CES5A: variants seen among roughly 807,000 people sequenced by gnomAD.
CES5A encodes carboxylesterase 5.
Under a neutral mutation model 62.9 loss-of-function variants are expected in CES5A, and 67 were observed. The observed-to-expected ratio is 1.07, with a 90% confidence interval of 0.88 to 1.31. The LOEUF (loss-of-function observed/expected upper bound fraction) is 1.31. Ranked by LOEUF, CES5A falls within the 50% of genes most tolerant of loss-of-function variation. The pLI is 0.00. For missense variants in CES5A, 748 were observed against 708.5 expected (o/e 1.06, Z -0.63); for synonymous variants, 296 against 280.8 (o/e 1.05, Z -0.54).
Position 55,886,235 on chromosome 16 carries a change from C to T in CES5A, c.-255-12198G>A, listed in dbSNP as rs546891700. On this transcript the variant is annotated intron_variant, in intron 1 of 12. Transcript: ENST00000518005. ...ACTTGGTTGCCACTTTAAATAGTCA[C>T]AAAAGTGAGCTGAGGTAAAGACATA... Among the ~76,000 whole-genome samples, 10 of 152,308 alleles carry T rather than the reference C, an allele frequency of 6.6e-5. No individual in the cohort carries two copies. In the East Asian group the frequency reaches 1.7e-3, roughly 26 times the overall value.
chr16:55,882,005 G>T (rs2033766766), intron 1 of CES5A, among the ~76,000 whole-genome samples: 1 of 152,260 alleles, frequency 6.6e-6, no homozygotes, highest in African/African-American at 2.4e-5. Flanking sequence ...AAGTAAAGTA[G>T]ACAGGCAGCC....
chr16:55,897,217 G>A (rs778564062), intron 1 of CES5A, among the ~76,000 whole-genome samples: 17 of 152,044 alleles, frequency 1.1e-4, no homozygotes, highest in Non-Finnish European at 2.1e-4. Flanking sequence ...CTGCTGTCCT[G>A]ACAGAGAACC....
chr16:55,863,129 C>T (rs754780391), intron 6 of CES5A, among the ~76,000 whole-genome samples: 1 of 152,194 alleles, frequency 6.6e-6, no homozygotes, highest in Non-Finnish European at 1.5e-5. Flanking sequence ...AACGCACATA[C>T]ACACACACTT....
At chr16:55,953,845 G>A (rs1441855785) in intron 1 of CES5A, among the ~76,000 whole-genome samples, 1 of 152,042 alleles carries the variant, frequency 6.6e-6, no homozygotes, top group Non-Finnish European at 1.5e-5. Context: ...CGGGGTAATT[G>A]GGGTGTCCAT....
intron 10 of CES5A, among the ~76,000 whole-genome samples, chr16:55,850,794 A>G (rs190589880): frequency 2.5e-3 from 384 of 152,284 alleles, no homozygotes; most frequent in South Asian, 0.023. Flanking sequence ...TTTTTGAGGA[A>G]CGGCCACAAC....
chr16:55,914,144 AC>A (rs1397845185), intron 1 of CES5A, among the ~76,000 whole-genome samples: 4 of 152,232 alleles, frequency 2.6e-5, no homozygotes, highest in African/African-American at 9.7e-5. Context: ...CTAAAGTTCA[AC>A]TTTTACAGGG....
chr16:55,950,688 A>G (rs2034544620), intron 1 of CES5A, among the ~76,000 whole-genome samples: 1 of 151,994 alleles, frequency 6.6e-6, no homozygotes, highest in Non-Finnish European at 1.5e-5. Flanking sequence ...CATGAAGGAG[A>G]AGAAATAATT....
At chr16:55,912,955 A>G (rs1359247401) in intron 1 of CES5A, among the ~76,000 whole-genome samples, 1 of 152,150 alleles carries the variant, frequency 6.6e-6, no homozygotes, top group African/African-American at 2.4e-5. Flanking sequence ...ATCACCCAGC[A>G]CCTTGTAACT....
intron 2 of CES5A, among the ~76,000 whole-genome samples, chr16:55,945,978 A>C (rs1362428858): frequency 6.6e-6 from 1 of 152,132 alleles, no homozygotes; most frequent in African/African-American, 2.4e-5. Flanking sequence ...TGGATTTGAT[A>C]GCTCCTTCCT....
chr16:55,916,046 C>T (rs2034145271), intron 1 of CES5A, among the ~76,000 whole-genome samples: 1 of 152,170 alleles, frequency 6.6e-6, no homozygotes, highest in Non-Finnish European at 1.5e-5. Flanking sequence ...TCAAATCAAT[C>T]TCCGAAAACT....
chr16:55,868,738 T>C (rs529716046), intron 4 of CES5A, among the ~76,000 whole-genome samples: 1 of 152,296 alleles, frequency 6.6e-6, no homozygotes, highest in South Asian at 2.1e-4. Flanking sequence ...TTCTCCTCTT[T>C]GTTTACATTG....
chr16:55,869,172 G>A (rs2033531191), intron 4 of CES5A, among the ~76,000 whole-genome samples: 1 of 152,220 alleles, frequency 6.6e-6, no homozygotes, highest in African/African-American at 2.4e-5. Context: ...ATGTGGCCAT[G>A]TGACTGAGTT....
At chr16:55,849,544 C>T (rs1057161008) in intron 11 of CES5A, 80 bp downstream of exon 11, 5 of 1,504,160 alleles carry the variant, frequency 3.3e-6, no homozygotes, top group Middle Eastern at 1.9e-4. Flanking sequence ...ATGCCAACCC[C>T]GAAGTCCTCC....
chr16:55,861,450 T>C lies in CES5A; in HGVS notation c.877A>G (p.Arg293Gly). The part of the protein sequence containing the change: ...SDSEALLRCL[R>G]TKPSKELLTL... ...AGCAGCTCCTTGGAGGGTTTTGTCC[T>C]CAGGCACCTCAGCAGGGCCTCAGAG... Residue 293 changes from arginine to glycine, a missense_variant, in exon 7 of 13, where the codon AGG (arginine) becomes GGG (glycine). By Grantham distance (125) the Arg-to-Gly change is moderately radical. Transcript: ENST00000290567. The C allele has an allele frequency of 3.7e-6, 6 of 1,613,972 alleles. No homozygotes were observed. The highest frequency in any genetic ancestry group is 4.2e-6 in the Non-Finnish European group (5 of 1,179,850).
At chr16:55,940,049 G>C (rs1252905587) in intron 2 of CES5A, among the ~76,000 whole-genome samples, 3 of 151,226 alleles carry the variant, frequency 2.0e-5, no homozygotes, top group African/African-American at 7.3e-5. Context: ...TTATAGTATT[G>C]GTTAAAAAAG....
chr16:55,900,988 T>A (rs1240072847), intron 1 of CES5A, among the ~76,000 whole-genome samples: 1 of 152,120 alleles, frequency 6.6e-6, no homozygotes, highest in African/African-American at 2.4e-5. Context: ...GCTGCCCACC[T>A]CTCTCATACC....
chr16:55,947,882 ATGGAAGGGCTGGGAGTTT>A lies in CES5A; in HGVS notation c.160+1885_160+1902del, dbSNP rs532848231. 3.9e-3 allele frequency among the ~76,000 whole-genome samples: 595 copies of A among 152,138 alleles called. 2 individuals carry two copies. Among genetic ancestry groups the A allele is most frequent in the Non-Finnish European group, 6.1e-3 (416 of 67,984 alleles). ...CAGGTCATAAACAGCCTTGGGGGCC[ATGGAAGGGCTGGGAGTTT>A]TGATTAAAATGGGATGGAAAATATT... On this transcript the variant is annotated intron_variant, in intron 2 of 13. Coordinates refer to the CES5A transcript ENST00000521992.
chr16:55,946,119 T>TA (rs1416067086), intron 2 of CES5A, among the ~76,000 whole-genome samples: 1 of 152,214 alleles, frequency 6.6e-6, no homozygotes, highest in Non-Finnish European at 1.5e-5. Context: ...AATCTTTTCA[T>TA]CGGGTTAGAA....
intron 4 of CES5A, among the ~76,000 whole-genome samples, chr16:55,867,907 G>A: frequency 6.6e-6 from 1 of 152,180 alleles, no homozygotes; most frequent in African/African-American, 2.4e-5. Flanking sequence ...GTGGTTGAAT[G>A]ACCCCATGGC....
Sources: gnomAD v4.1 joint callset for allele counts (sites outside exome capture counted in the v4.1 genomes callset) on GRCh38, gnomAD v4.1.1 for gene constraint, MANE v1.5 for transcripts, NCBI Gene and HGNC (gene_info 2026-07-23, HGNC 2026-07-21) for gene names.